The following KIF2A variants were observed in gnomAD, a reference collection of about 807,000 sequenced individuals.
KIF2A encodes kinesin family member 2A.
KIF2A carries 22 observed loss-of-function variants against 100.2 expected under a neutral mutation model. That is an observed-to-expected ratio of 0.22 (90% CI 0.16 to 0.31). KIF2A has a LOEUF of 0.31. KIF2A is among the 10% of genes least tolerant of loss of function. The probability of loss-of-function intolerance (pLI) is 1.00; values close to 1 mark genes in which losing one functional copy is unlikely to be tolerated. For missense variants in KIF2A, 495 were observed against 898.7 expected (o/e 0.55, Z 5.74); for synonymous variants, 268 against 285.9 (o/e 0.94, Z 0.63).
intron 7 of KIF2A, 95 bp from the exon 8 acceptor site, chr5:62,357,596 T>G: frequency 1.7e-6 from 1 of 587,644 alleles, no homozygotes; most frequent in South Asian, 2.9e-5. Flanking sequence ...TATGTATAAA[T>G]TTCTAAAACC....
chr5:62,373,951 G>A, intron 18 of KIF2A, 114 bp downstream of exon 18: 1 of 837,502 alleles, frequency 1.2e-6, no homozygotes, highest in Non-Finnish European at 1.9e-6. Flanking sequence ...GGTGGCTCAA[G>A]CTTGTAATCT....
Position 62,377,645 on chromosome 5 carries a change from C to G in KIF2A, c.1912-16C>G. 2 of 1,382,562 alleles carry G rather than the reference C, an allele frequency of 1.4e-6. No homozygotes were observed. Among genetic ancestry groups the G allele is most frequent in the Non-Finnish European group, 2.0e-6 (2 of 1,008,996 alleles). 85.6% of individuals were successfully genotyped at this position (1,382,562 alleles called of 1,614,324 possible). A position where few individuals can be genotyped will look rare whatever the true frequency, so the allele number is the denominator to read the frequency against. ...TACACACTATATCATAATTTCTTAA[C>G]TATTTTTATTTTAAGGAAGAAGAAG... On this transcript the variant is annotated splice_polypyrimidine_tract_variant and intron_variant, in intron 18 of 20. Coordinates refer to ENST00000407818, the MANE Select transcript of KIF2A (RefSeq NM_001098511.3).
intron 1 of KIF2A, among the ~76,000 whole-genome samples, chr5:62,312,243 G>T (rs1745587415): frequency 1.3e-5 from 2 of 152,160 alleles, no homozygotes; most frequent in African/African-American, 4.8e-5. Flanking sequence ...GAAACTCTGG[G>T]GAAAGGCTAT....
intron 1 of KIF2A, among the ~76,000 whole-genome samples, chr5:62,316,637 CCTAATGTAAACTAG>C (rs1223964798): frequency 2.6e-5 from 4 of 152,258 alleles, no homozygotes; most frequent in Admixed American, 2.6e-4. Context: ...AAGAGTCAAC[CCTAATGTAAACTAG>C]GGACTTTGGG....
intron 1 of KIF2A, among the ~76,000 whole-genome samples, chr5:62,340,473 C>T (rs1747237503): frequency 6.6e-6 from 1 of 152,038 alleles, no homozygotes; most frequent in Non-Finnish European, 1.5e-5. Context: ...TATTGGAAGG[C>T]CACATGGAAA....
chr5:62,314,626 A>G (rs1745718474), intron 1 of KIF2A, among the ~76,000 whole-genome samples: 1 of 151,994 alleles, frequency 6.6e-6, no homozygotes, highest in Non-Finnish European at 1.5e-5. Context: ...ACTTTTGAAG[A>G]CTTTTTCTCC....
intron 4 of KIF2A, among the ~76,000 whole-genome samples, chr5:62,350,932 T>C (rs994132208): frequency 6.6e-6 from 1 of 151,384 alleles, no homozygotes. Context: ...AAAAGATTTT[T>C]AAAATGTATG....
chr5:62,380,417 G>A (rs1046968051), intron 19 of KIF2A, among the ~76,000 whole-genome samples: 3 of 152,164 alleles, frequency 2.0e-5, no homozygotes, highest in Non-Finnish European at 4.4e-5. Context: ...CCAAAGTAGA[G>A]TAAAGATAGA....
intron 18 of KIF2A, among the ~76,000 whole-genome samples, chr5:62,376,430 G>T (rs1580097932): frequency 7.0e-6 from 1 of 142,906 alleles, no homozygotes. Context: ...TTGTTTGTTT[G>T]TTTTTTTGAG....
intron 9 of KIF2A, among the ~76,000 whole-genome samples, chr5:62,360,310 A>C (rs1352344186): frequency 6.6e-6 from 1 of 151,536 alleles, no homozygotes; most frequent in African/African-American, 2.4e-5. Flanking sequence ...TTTTTAGTGT[A>C]CTGCTCAGGG....
In KIF2A at chr5:62,353,407, T is replaced by A. The variant is rs774642235; in HGVS notation, c.558+32T>A. The stretch of plus-strand genomic sequence containing the variant: ...AACATAAACATATATTTTGTTTATG[T>A]ACCAACCAGAGATTAGATTATATCA... On this transcript the variant is annotated intron_variant, in intron 6 of 20. Coordinates refer to ENST00000407818, the MANE Select transcript of KIF2A (RefSeq NM_001098511.3). The A allele has an allele frequency of 2.2e-5, 25 of 1,129,936 alleles. 1 individual carries two copies. The South Asian group carries it at 3.0e-4, about 13-fold the overall frequency. The allele number at this position is 1,129,936 out of a possible 1,614,324, so 70.0% of individuals were successfully genotyped here.
rs1298411829 is a variant in KIF2A, at chr5:62,312,486, AT to A, written c.64+5954del. 1.4e-4 allele frequency among the ~76,000 whole-genome samples: 21 copies of A among 152,214 alleles called. 1 individual carries two copies. The highest frequency in any genetic ancestry group is 1.4e-3 in the Admixed American group (21 of 15,276). ...TTCTTGGATTCAGCCATCTGCTTTA[AT>A]TTTAACACATCTGTTTTGTAACCTA... is the stretch of plus-strand genomic sequence containing the variant. On this transcript the variant is annotated intron_variant, in intron 1 of 20. Coordinates refer to ENST00000407818, the MANE Select transcript of KIF2A (RefSeq NM_001098511.3).
chr5:62,376,418 GTT>G (rs1741548728), intron 18 of KIF2A, among the ~76,000 whole-genome samples: 8 of 151,636 alleles, frequency 5.3e-5, no homozygotes, highest in Admixed American at 3.9e-4. Context: ...TTGTTTGTTT[GTT>G]TGTTTGTTTG....
chr5:62,310,196 G>A (rs546887900), intron 1 of KIF2A, among the ~76,000 whole-genome samples: 30 of 151,656 alleles, frequency 2.0e-4, no homozygotes, highest in Admixed American at 1.5e-3. Flanking sequence ...TGGGACTACA[G>A]GTGTGTGCCA....
intron 1 of KIF2A, among the ~76,000 whole-genome samples, chr5:62,325,286 G>A (rs1746317764): frequency 6.6e-6 from 1 of 151,918 alleles, no homozygotes; most frequent in South Asian, 2.1e-4. Flanking sequence ...ACTATGCCCG[G>A]CTAATTTTTG....
chr5:62,355,938 C>T (rs1045765130), intron 7 of KIF2A, among the ~76,000 whole-genome samples: 11 of 142,600 alleles, frequency 7.7e-5, no homozygotes, highest in Admixed American at 1.4e-4. Flanking sequence ...CCTGCCACCA[C>T]GCCCGGCTAA....
chr5:62,331,140 A>T (rs1561255264), intron 1 of KIF2A, among the ~76,000 whole-genome samples: 1 of 152,198 alleles, frequency 6.6e-6, no homozygotes. Context: ...GGCTGGGCGC[A>T]GTGGCTCATG....
chr5:62,356,122 G>A (rs924687312), intron 7 of KIF2A, among the ~76,000 whole-genome samples: 1 of 152,082 alleles, frequency 6.6e-6, no homozygotes. Flanking sequence ...TAACTAATTT[G>A]TACTTATAAA....
intron 6 of KIF2A, among the ~76,000 whole-genome samples, chr5:62,353,853 C>G (rs1385380609): frequency 6.6e-6 from 1 of 151,744 alleles, no homozygotes; most frequent in Admixed American, 6.6e-5. Flanking sequence ...TATTGTGTCC[C>G]CCTCAGGGTC....
Sources: gnomAD v4.1 joint callset for allele counts (sites outside exome capture counted in the v4.1 genomes callset) on GRCh38, gnomAD v4.1.1 for gene constraint, MANE v1.5 for transcripts, NCBI Gene and HGNC (gene_info 2026-07-23, HGNC 2026-07-21) for gene names.